The following NETO1 variants were observed in gnomAD, a reference collection of about 807,000 sequenced individuals.
The protein encoded by NETO1 is neuropilin and tolloid like 1, also known as neuropilin and tolloid-like protein 1.
NETO1 carries 26 observed loss-of-function variants against 61.3 expected under a neutral mutation model. The observed-to-expected ratio is 0.42, with a 90% CI of 0.31 to 0.59. The LOEUF (loss-of-function observed/expected upper bound fraction) is 0.59. Ranked by LOEUF, NETO1 falls within the 20% of genes least tolerant of loss-of-function variation. NETO1 has a pLI of 0.12. For synonymous variants in NETO1, 225 were observed against 225.8 expected, an observed-to-expected ratio of 1.00 and a Z score of 0.03; for missense variants, 531 against 662.8, an observed-to-expected ratio of 0.80 and a Z score of 2.18.
chr18:72,791,696 G>A (rs529717902), intron 6 of NETO1, among the ~76,000 whole-genome samples: 84 of 152,308 alleles, frequency 5.5e-4, no homozygotes, highest in Middle Eastern at 3.4e-3. Flanking sequence ...AGACTGCAGT[G>A]ACAAAAGTAC....
intron 3 of NETO1, among the ~76,000 whole-genome samples, chr18:72,859,285 C>T (rs536457671): frequency 1.3e-5 from 2 of 152,224 alleles, no homozygotes; most frequent in East Asian, 1.9e-4. Context: ...GATGATGTTG[C>T]ATAAAATATT....
At chr18:72,831,598 T>A (rs1293404141) in intron 4 of NETO1, among the ~76,000 whole-genome samples, 1 of 152,228 alleles carries the variant, frequency 6.6e-6, no homozygotes, top group African/African-American at 2.4e-5. Flanking sequence ...TCTCCCAATA[T>A]ACTTTCTATC....
At chr18:72,858,189 GCAA>G (rs1279929326) in intron 4 of NETO1, among the ~76,000 whole-genome samples, 1 of 152,076 alleles carries the variant, frequency 6.6e-6, no homozygotes, top group Non-Finnish European at 1.5e-5. Flanking sequence ...AGTGGGCCAG[GCAA>G]CAACACAGGA....
chr18:72,783,955 C>A, intron 6 of NETO1, 49 bp from the exon 7 acceptor site: 1 of 1,292,588 alleles, frequency 7.7e-7, no homozygotes, highest in Non-Finnish European at 1.1e-6. Flanking sequence ...TATGAATGTA[C>A]ATCAGTATCA....
intron 4 of NETO1, among the ~76,000 whole-genome samples, chr18:72,844,239 G>A (rs1343162658): frequency 6.6e-6 from 1 of 151,116 alleles, no homozygotes; most frequent in Non-Finnish European, 1.5e-5. Context: ...TTGATACCAA[G>A]TTTCTTCTTT....
intron 4 of NETO1, among the ~76,000 whole-genome samples, chr18:72,800,004 G>A (rs1481128657): frequency 2.6e-5 from 4 of 152,194 alleles, no homozygotes; most frequent in African/African-American, 9.7e-5. Context: ...TGGAATTATG[G>A]GAGTGAACAA....
At chr18:72,762,628 T>C (rs2071016141) in intron 7 of NETO1, among the ~76,000 whole-genome samples, 2 of 152,188 alleles carry the variant, frequency 1.3e-5, no homozygotes, top group Admixed American at 1.3e-4. Context: ...ATCAGGAAAA[T>C]AGTTTTTACA....
chr18:72,807,035 A>G (rs2072696430), intron 4 of NETO1, among the ~76,000 whole-genome samples: 1 of 152,234 alleles, frequency 6.6e-6, no homozygotes, highest in African/African-American at 2.4e-5. Context: ...TATCAATGGC[A>G]GAAAAATCTT....
At chr18:72,755,753 A>C (rs1159682126) in intron 8 of NETO1, among the ~76,000 whole-genome samples, 2 of 152,090 alleles carry the variant, frequency 1.3e-5, no homozygotes, top group Non-Finnish European at 2.9e-5. Context: ...TGCTCCCCTG[A>C]AAGCTCCCGT....
At position 72,794,440 on chromosome 18, in the gene NETO1, T is replaced by A. The variant is rs377503876; in HGVS notation, c.470-36A>T. On this transcript the variant is annotated intron_variant, in intron 4 of 10. Coordinates refer to ENST00000327305, the MANE Select transcript of NETO1 (RefSeq NM_138966.5). ...GAGAAAAAGACAATTAGTCCCATTC[T>A]ACATTTATTACTTACAGTGAGTTTA... 1.5e-5 allele frequency: 24 copies of A among 1,568,608 alleles called. No homozygotes were observed. The African/African-American group carries it at 1.9e-4, about 13-fold the overall frequency.
At chr18:72,805,346 C>T (rs1297553593) in intron 4 of NETO1, among the ~76,000 whole-genome samples, 1 of 152,106 alleles carries the variant, frequency 6.6e-6, no homozygotes, top group Admixed American at 6.5e-5. Context: ...ATATTCTACA[C>T]AAATGAAAAG....
chr18:72,856,838 C>T lies in NETO1; in HGVS notation c.469+1988G>A, dbSNP rs531726000. Among the ~76,000 whole-genome samples the T allele has an allele frequency of 2.6e-4, 40 of 152,294 alleles. 1 individual carries two copies. In the South Asian group the frequency reaches 3.7e-3, roughly 14 times the overall value. The stretch of plus-strand genomic sequence containing the variant: ...CATTAAGCTGACTTGAGAAATTCTT[C>T]CTCCTTCAATTTCCCCAGGTCACCA... On this transcript the variant is annotated intron_variant, in intron 4 of 10. Transcript: ENST00000327305.
chr18:72,858,739 TATA>T, intron 4 of NETO1, 84 bp downstream of exon 4: 1 of 1,263,202 alleles, frequency 7.9e-7, no homozygotes, highest in Non-Finnish European at 1.1e-6. Flanking sequence ...TCTGAGAAAG[TATA>T]ATGTTGTCTT....
At chr18:72,829,115 AAAT>A (rs2073488438) in intron 4 of NETO1, among the ~76,000 whole-genome samples, 2 of 152,244 alleles carry the variant, frequency 1.3e-5, no homozygotes, top group South Asian at 4.1e-4. Flanking sequence ...TTATAAACAA[AAAT>A]AATTTCACTC....
chr18:72,775,179 C>T (rs544850779), intron 7 of NETO1, among the ~76,000 whole-genome samples: 9 of 152,314 alleles, frequency 5.9e-5, no homozygotes, highest in Admixed American at 3.9e-4. Context: ...TGGTACTTCT[C>T]AAGCCTAGTA....
At chr18:72,848,385 C>G (rs2074151997) in intron 4 of NETO1, among the ~76,000 whole-genome samples, 1 of 152,110 alleles carries the variant, frequency 6.6e-6, no homozygotes, top group Non-Finnish European at 1.5e-5. Flanking sequence ...CCACATCACA[C>G]CATCTACATC....
At chr18:72,844,893 C>G in intron 4 of NETO1, among the ~76,000 whole-genome samples, 1 of 152,154 alleles carries the variant, frequency 6.6e-6, no homozygotes, top group East Asian at 1.9e-4. Context: ...ACACCTCATC[C>G]ATCCTGAGGA....
chr18:72,801,433 AAGAGTTTTCC>A (rs1216589247), intron 4 of NETO1, among the ~76,000 whole-genome samples: 3 of 152,190 alleles, frequency 2.0e-5, no homozygotes, highest in Non-Finnish European at 4.4e-5. Context: ...AAATATACGG[AAGAGTTTTCC>A]AGATATTACA....
At chr18:72,757,827 A>T (rs967176690) in intron 7 of NETO1, among the ~76,000 whole-genome samples, 4 of 152,152 alleles carry the variant, frequency 2.6e-5, no homozygotes, top group African/African-American at 9.7e-5. Context: ...TTAGATAGTG[A>T]ATGTTGTCAA....
Sources: gnomAD v4.1 joint callset for allele counts (sites outside exome capture counted in the v4.1 genomes callset) on GRCh38, gnomAD v4.1.1 for gene constraint, MANE v1.5 for transcripts, NCBI Gene and HGNC (gene_info 2026-07-23, HGNC 2026-07-21) for gene names.